IFT80: variants seen among roughly 807,000 people sequenced by gnomAD.
The protein encoded by IFT80 is intraflagellar transport 80, also known as intraflagellar transport protein 80 homolog.
A neutral mutation model predicts 107.9 loss-of-function variants in IFT80; 79 were observed. The observed-to-expected ratio is 0.73, with a 90% CI of 0.61 to 0.88. The LOEUF (loss-of-function observed/expected upper bound fraction) is 0.88, where lower values mean the gene tolerates loss of function less well. Ranked by LOEUF, IFT80 falls within the 40% of genes least tolerant of loss-of-function variation. The pLI, the probability that IFT80 is intolerant of heterozygous loss-of-function variation, is 0.00. For missense variants in IFT80, 797 were observed against 914.2 expected, an observed-to-expected ratio of 0.87 and a Z score of 1.65; for synonymous variants, 299 against 300.9, an observed-to-expected ratio of 0.99 and a Z score of 0.07.
chr3:160,337,626 A>G (rs1318142073), intron 8 of IFT80, among the ~76,000 whole-genome samples: 1 of 149,520 alleles, frequency 6.7e-6, no homozygotes, highest in African/African-American at 2.4e-5. Flanking sequence ...TCTGTCTCCA[A>G]AAAAAAAAGG....
At chr3:160,287,099 T>C (rs949237810) in intron 12 of IFT80, among the ~76,000 whole-genome samples, 31 of 152,176 alleles carry the variant, frequency 2.0e-4, no homozygotes, top group African/African-American at 7.5e-4. Flanking sequence ...ATACAAATTC[T>C]GAACGCCAAA....
chr3:160,334,632 G>A (rs1341540658), intron 8 of IFT80, among the ~76,000 whole-genome samples: 1 of 152,078 alleles, frequency 6.6e-6, no homozygotes, highest in Non-Finnish European at 1.5e-5. Flanking sequence ...AGCCAGGCTG[G>A]TCTTGAACTC....
At chr3:160,290,847 GC>G (rs1715502149) in intron 12 of IFT80, among the ~76,000 whole-genome samples, 1 of 152,148 alleles carries the variant, frequency 6.6e-6, no homozygotes, top group African/African-American at 2.4e-5. Context: ...ACAGATGTGA[GC>G]CACATCTGGC....
rs531909125 is a variant in IFT80 at position 160,344,075 on chromosome 3, A to G, written c.777+11938T>C. Among the ~76,000 whole-genome samples, 58 of 152,338 alleles carry G rather than the reference A, an allele frequency of 3.8e-4. 1 individual carries two copies. The South Asian group carries it at 8.3e-3, about 22-fold the overall frequency. Reference sequence around the variant, plus strand: ...TTAATGTTCCCATCAATGTTCTACAAGGAGCCCCATTTTCCCATTTCTGAT... The same window carrying G: ...TTAATGTTCCCATCAATGTTCTACAGGGAGCCCCATTTTCCCATTTCTGAT... On this transcript the variant is annotated intron_variant, in intron 8 of 19. Coordinates refer to ENST00000326448, the MANE Select transcript of IFT80 (RefSeq NM_020800.3).
chr3:160,313,854 C>A lies in IFT80; in HGVS notation c.957+5906G>T, dbSNP rs188231068. Among the ~76,000 whole-genome samples, 11 of 152,142 alleles carry A rather than the reference C, an allele frequency of 7.2e-5. No homozygotes were observed. In the South Asian group the frequency reaches 2.3e-3, roughly 32 times the overall value. ...TTAACTTCTGACCTTGTGATCCACC[C>A]GCCTCGGCCTCCCAAAGTGCTGGGA... On this transcript the variant is annotated intron_variant, in intron 9 of 19. Coordinates refer to ENST00000326448, the MANE Select transcript of IFT80 (RefSeq NM_020800.3).
intron 1 of IFT80, among the ~76,000 whole-genome samples, chr3:160,388,782 C>T (rs113315926): frequency 5.3e-5 from 8 of 152,092 alleles, no homozygotes; most frequent in Admixed American, 1.3e-4. Context: ...ATATACAAGG[C>T]CCTTAAATGT....
intron 1 of IFT80, among the ~76,000 whole-genome samples, chr3:160,398,767 T>C (rs532776509): frequency 6.6e-6 from 1 of 152,330 alleles, no homozygotes; most frequent in East Asian, 1.9e-4. Flanking sequence ...GAATATTTGC[T>C]GATCGATAAT....
chr3:160,263,992 A>G (rs1319603718), intron 19 of IFT80, among the ~76,000 whole-genome samples: 1 of 151,934 alleles, frequency 6.6e-6, no homozygotes, highest in African/African-American at 2.4e-5. Flanking sequence ...AATAGAGACA[A>G]CGTCTCACTA....
intron 18 of IFT80, among the ~76,000 whole-genome samples, chr3:160,274,782 T>C (rs141097778): frequency 1.4e-4 from 22 of 152,180 alleles, no homozygotes; most frequent in Non-Finnish European, 1.0e-4. Context: ...CTACTACAAG[T>C]ACAAAAATTA....
At chr3:160,369,990 T>G (rs1002500288) in intron 5 of IFT80, among the ~76,000 whole-genome samples, 3 of 152,050 alleles carry the variant, frequency 2.0e-5, no homozygotes, top group East Asian at 1.9e-4. Flanking sequence ...CCCTTATCTC[T>G]CCATAAAACA....
chr3:160,349,848 C>G (rs1720551366), intron 8 of IFT80, among the ~76,000 whole-genome samples: 2 of 152,214 alleles, frequency 1.3e-5, no homozygotes, highest in Admixed American at 1.3e-4. Context: ...TCAACTTACT[C>G]TAAGCTGACA....
chr3:160,347,762 TA>T (rs1303981529), intron 8 of IFT80, among the ~76,000 whole-genome samples: 2 of 152,196 alleles, frequency 1.3e-5, no homozygotes, highest in African/African-American at 4.8e-5. Flanking sequence ...GAGTTGAGGG[TA>T]TTGCACTTTA....
At chr3:160,303,725 CTAAAA>C (rs1282582508) in intron 11 of IFT80, among the ~76,000 whole-genome samples, 185 bp downstream of exon 11, 1 of 152,296 alleles carries the variant, frequency 6.6e-6, no homozygotes, top group African/African-American at 2.4e-5. Flanking sequence ...AATTCAGAGA[CTAAAA>C]TGTTTCAGAA....
At chr3:160,368,548 T>C (rs1722024555) in intron 5 of IFT80, among the ~76,000 whole-genome samples, 1 of 151,902 alleles carries the variant, frequency 6.6e-6, no homozygotes, top group African/African-American at 2.4e-5. Context: ...ATGAGTATAT[T>C]TTCTGGGAAT....
At chr3:160,323,547 G>A (rs1049350401) in intron 8 of IFT80, among the ~76,000 whole-genome samples, 1 of 151,982 alleles carries the variant, frequency 6.6e-6, no homozygotes, top group Non-Finnish European at 1.5e-5. Context: ...ATAATGAAAT[G>A]AAGGCAGAAA....
At chr3:160,261,308 C>T (rs1712805226) in intron 19 of IFT80, among the ~76,000 whole-genome samples, 1 of 151,660 alleles carries the variant, frequency 6.6e-6, no homozygotes, top group Non-Finnish European at 1.5e-5. Context: ...TTTCATTCAA[C>T]AAATATTTAG....
At chr3:160,271,632 G>T (rs1713814344) in intron 18 of IFT80, among the ~76,000 whole-genome samples, 4 of 152,040 alleles carry the variant, frequency 2.6e-5, no homozygotes, top group Admixed American at 2.0e-4. Flanking sequence ...AAACATGAAA[G>T]ACAGAAGCAT....
chr3:160,315,832 T>C (rs1359153940), intron 9 of IFT80, among the ~76,000 whole-genome samples: 12 of 152,084 alleles, frequency 7.9e-5, no homozygotes, highest in Admixed American at 7.9e-4. Context: ...TAGGTTATCT[T>C]TTTTTTAGAA....
At chr3:160,300,468 T>C (rs1716336584) in intron 12 of IFT80, among the ~76,000 whole-genome samples, 1 of 152,092 alleles carries the variant, frequency 6.6e-6, no homozygotes, top group Non-Finnish European at 1.5e-5. Context: ...AAAATATGAA[T>C]TTAAAAATAT....
Sources: allele counts gnomAD v4.1 joint callset (sites outside exome capture counted in the v4.1 genomes callset), GRCh38; gene constraint gnomAD v4.1.1; transcripts MANE v1.5; gene names NCBI Gene and HGNC (gene_info 2026-07-23, HGNC 2026-07-21).